Variants in FRYL observed in about 807,000 individuals in gnomAD.
FRYL encodes protein furry homolog-like.
A neutral mutation model predicts 351.2 loss-of-function variants in FRYL; 150 were observed. That is an observed-to-expected ratio of 0.43 (90% confidence interval 0.37 to 0.49). The LOEUF (loss-of-function observed/expected upper bound fraction) is 0.49, where lower values mean the gene tolerates loss of function less well. FRYL is among the 20% of genes least tolerant of loss of function. The probability of loss-of-function intolerance (pLI) is 0.00; values close to 1 mark genes in which losing one functional copy is unlikely to be tolerated. For missense variants in FRYL, 3,036 were observed against 3,619.3 expected (o/e 0.84, Z 4.13); for synonymous variants, 1,153 against 1,257.1 (o/e 0.92, Z 1.75).
At chr4:48,716,000 A>T (rs2149600715) in intron 1 of FRYL, among the ~76,000 whole-genome samples, 1 of 152,278 alleles carries the variant, frequency 6.6e-6, no homozygotes, top group South Asian at 2.1e-4. Context: ...TCTTTGACAA[A>T]CCTGAGAAAA....
intron 35 of FRYL, among the ~76,000 whole-genome samples, chr4:48,556,647 G>T (rs1168377930): frequency 6.6e-6 from 1 of 152,116 alleles, no homozygotes; most frequent in Admixed American, 6.5e-5. Context: ...TTTACTCTCA[G>T]AACTCTGCAA....
chr4:48,661,150 T>C lies in FRYL; in HGVS notation c.-81+23523A>G, dbSNP rs149267811. Among the ~76,000 whole-genome samples, 9 of 152,346 alleles carry C rather than the reference T, an allele frequency of 5.9e-5. No homozygotes were observed. In the East Asian group the frequency reaches 1.7e-3, roughly 29 times the overall value. On this transcript the variant is annotated intron_variant, in intron 3 of 63. Coordinates refer to ENST00000358350, the MANE Select transcript of FRYL (RefSeq NM_015030.2). ...TAGAGTACACATAAACTCTTTGTAC[T>C]ATCCCTGCAACTTTTCTATAAATCT... is the stretch of plus-strand genomic sequence containing the variant.
chr4:48,499,256 T>G lies in FRYL; in HGVS notation c.*166A>C. 4.9e-6 allele frequency: 3 copies of G among 616,236 alleles called. No homozygotes were observed. Among genetic ancestry groups the G allele is most frequent in the Non-Finnish European group, 5.6e-6 (2 of 354,834 alleles). 38.2% of individuals were successfully genotyped at this position (616,236 alleles called of 1,614,324 possible). On this transcript the variant is annotated 3_prime_UTR_variant, in exon 64 of 64. Transcript: ENST00000358350. Reference sequence around the variant, plus strand: ...GGCAGCTGTTAAAATATCAGATGTTTTTTTCTTTCAGATCTTTGTTTTTGA... The same window carrying G: ...GGCAGCTGTTAAAATATCAGATGTTGTTTTCTTTCAGATCTTTGTTTTTGA...
chr4:48,669,688 CCTTAT>C (rs34638069), intron 3 of FRYL, among the ~76,000 whole-genome samples: 75,960 of 148,130 alleles, frequency 0.51, 19,804 homozygotes, highest in South Asian at 0.61. Context: ...TTTATATATC[CCTTAT>C]ATTATTATTA....
At chr4:48,534,201 G>A (rs2148896334) in intron 49 of FRYL, among the ~76,000 whole-genome samples, 1 of 152,256 alleles carries the variant, frequency 6.6e-6, no homozygotes, top group South Asian at 2.1e-4. Context: ...ACTCCAGCCT[G>A]GGCAACAGAG....
chr4:48,607,132 T>C (rs1747011951), intron 9 of FRYL, among the ~76,000 whole-genome samples: 1 of 152,188 alleles, frequency 6.6e-6, no homozygotes, highest in East Asian at 1.9e-4. Context: ...TGGATTCAAA[T>C]CACAATTGTT....
intron 1 of FRYL, 51 bp downstream of exon 1, chr4:48,780,027 G>A (rs964563290): frequency 6.6e-5 from 10 of 151,982 alleles, no homozygotes; most frequent in Non-Finnish European, 5.9e-5. Flanking sequence ...CGCCTGCCCC[G>A]GGGCTGGAAG....
chr4:48,613,012 T>C (rs192330759), intron 7 of FRYL, among the ~76,000 whole-genome samples: 12 of 152,326 alleles, frequency 7.9e-5, no homozygotes, highest in East Asian at 5.8e-4. Context: ...TATCCCCTAT[T>C]TGAAATGCTT....
chr4:48,756,487 G>A (rs886832936), intron 1 of FRYL, among the ~76,000 whole-genome samples: 2 of 151,990 alleles, frequency 1.3e-5, no homozygotes, highest in African/African-American at 2.4e-5. Flanking sequence ...TTTGGTATTT[G>A]TTGCTTGTTA....
At chr4:48,615,085 C>G (rs1242017296) in intron 7 of FRYL, among the ~76,000 whole-genome samples, 2 of 152,136 alleles carry the variant, frequency 1.3e-5, no homozygotes, top group Non-Finnish European at 2.9e-5. Flanking sequence ...CTCGGCCTCA[C>G]AAAGTGCTAG....
intron 3 of FRYL, among the ~76,000 whole-genome samples, chr4:48,681,969 C>A (rs1184026246): frequency 6.6e-6 from 1 of 152,120 alleles, no homozygotes; most frequent in Non-Finnish European, 1.5e-5. Flanking sequence ...TAAAGGAATA[C>A]CTACAAAAGA....
At chr4:48,506,196 G>A (rs2148726485) in intron 59 of FRYL, 1 of 152,044 alleles carries the variant, frequency 6.6e-6, no homozygotes, top group South Asian at 2.1e-4. Context: ...GGATGTAGAA[G>A]CCAAATGTGG....
intron 44 of FRYL, among the ~76,000 whole-genome samples, chr4:48,542,947 C>T (rs1161012145): frequency 6.6e-6 from 1 of 152,142 alleles, no homozygotes; most frequent in Non-Finnish European, 1.5e-5. Flanking sequence ...AGTTTCCCAT[C>T]AATTCAGAGT....
At position 48,748,057 on chromosome 4, in the gene FRYL, C is replaced by T. The variant is rs372809071; in HGVS notation, c.-384+32021G>A. ...GGTCAGGAGCTTGAGACCAGCCTGG[C>T]CAACATGGGGAAACCCTGTCTCCAC... On this transcript the variant is annotated intron_variant, in intron 1 of 63. Coordinates refer to ENST00000358350, the MANE Select transcript of FRYL (RefSeq NM_015030.2). Among the ~76,000 whole-genome samples, 214 of 152,132 alleles carry T rather than the reference C, an allele frequency of 1.4e-3. 1 individual carries two copies. The highest frequency in any genetic ancestry group is 4.6e-3 in the African/African-American group (190 of 41,484).
At chr4:48,606,335 AATG>A in intron 10 of FRYL, 100 bp downstream of exon 10, 2 of 696,360 alleles carry the variant, frequency 2.9e-6, no homozygotes, top group South Asian at 2.6e-5. Context: ...AGAGACTAAA[AATG>A]ATGCCATTAA....
rs554392506 is a variant in FRYL, at chr4:48,583,605, GA to G, written c.1749-872del. 7.9e-3 allele frequency among the ~76,000 whole-genome samples: 1,116 copies of G among 141,420 alleles called. 5 individuals are homozygous for G. The highest frequency in any genetic ancestry group is 0.015 in the Middle Eastern group (4 of 272). The allele number at this position is 141,420 out of a possible 152,430, so 92.8% of individuals were successfully genotyped here. ...TAATATTATAAATGGTACATGCCTAGAAAAAAAAAAAATAAGGCTGAGCTCA... is the reference window on the plus strand; with the variant it reads ...TAATATTATAAATGGTACATGCCTAGAAAAAAAAAAATAAGGCTGAGCTCA... On this transcript the variant is annotated intron_variant, in intron 19 of 63. Coordinates refer to ENST00000358350, the MANE Select transcript of FRYL (RefSeq NM_015030.2).
At chr4:48,719,171 T>C (rs1241234079) in intron 1 of FRYL, among the ~76,000 whole-genome samples, 2 of 151,594 alleles carry the variant, frequency 1.3e-5, no homozygotes, top group Non-Finnish European at 2.9e-5. Flanking sequence ...CAGGAATTCA[T>C]TAACCTCATC....
chr4:48,559,629 G>GGAGGGAGAGAGGAA (rs1445603832), intron 33 of FRYL, among the ~76,000 whole-genome samples: 2 of 118,518 alleles, frequency 1.7e-5, no homozygotes, highest in Non-Finnish European at 3.5e-5. Flanking sequence ...TGGGGGGAAG[G>GGAGGGAGAGAGGAA]GAGGGAGAGA....
At chr4:48,646,742 A>G (rs1044881561) in intron 3 of FRYL, among the ~76,000 whole-genome samples, 2 of 152,202 alleles carry the variant, frequency 1.3e-5, no homozygotes, top group Non-Finnish European at 2.9e-5. Flanking sequence ...AATATTAAGC[A>G]GTCAGTACAG....
Sources: allele counts gnomAD v4.1 joint callset (sites outside exome capture counted in the v4.1 genomes callset), GRCh38; gene constraint gnomAD v4.1.1; transcripts MANE v1.5; gene names NCBI Gene and HGNC (gene_info 2026-07-23, HGNC 2026-07-21).